The following KCNIP4 variants were observed in gnomAD, a reference collection of about 807,000 sequenced individuals.
KCNIP4 encodes potassium voltage-gated channel interacting protein 4.
A neutral mutation model predicts 34.0 loss-of-function variants in KCNIP4; 12 were observed. The observed-to-expected ratio is 0.35, with a 90% CI of 0.23 to 0.57. The LOEUF (loss-of-function observed/expected upper bound fraction) is 0.57. Among genes scored for constraint, KCNIP4 ranks in the 20% least tolerant of loss-of-function variants. KCNIP4 has a pLI of 0.83. For missense variants in KCNIP4, 238 were observed against 311.7 expected (o/e 0.76, Z 1.78); for synonymous variants, 124 against 102.2 (o/e 1.21, Z -1.29).
At chr4:21,226,101 T>G (rs183204426) in intron 1 of KCNIP4, among the ~76,000 whole-genome samples, 66 of 151,578 alleles carry the variant, frequency 4.4e-4, no homozygotes, top group African/African-American at 1.6e-3. Context: ...ACTGTAGAGA[T>G]GAAGAGACTG....
intron 1 of KCNIP4, among the ~76,000 whole-genome samples, chr4:21,007,219 G>A (rs1371838779): frequency 1.3e-5 from 2 of 152,130 alleles, no homozygotes; most frequent in Non-Finnish European, 2.9e-5. Context: ...GCGTTGAAAG[G>A]CACTATTTCT....
intron 1 of KCNIP4, among the ~76,000 whole-genome samples, chr4:21,181,244 T>G (rs1168492704): frequency 6.6e-6 from 1 of 152,144 alleles, no homozygotes; most frequent in Non-Finnish European, 1.5e-5. Context: ...AAGTTTTTTT[T>G]TCCCACTTAA....
intron 1 of KCNIP4, among the ~76,000 whole-genome samples, chr4:21,274,011 T>A (rs1370951520): frequency 2.0e-5 from 3 of 152,190 alleles, no homozygotes; most frequent in Non-Finnish European, 4.4e-5. Flanking sequence ...AATAAACAGA[T>A]GATGGATAAA....
intron 1 of KCNIP4, among the ~76,000 whole-genome samples, chr4:21,525,583 G>C (rs76222761): frequency 0.17 from 26,569 of 151,960 alleles, 2,748 homozygotes; most frequent in Middle Eastern, 0.26. Flanking sequence ...TCATTTCCCA[G>C]AATCTGTAAT....
At chr4:20,803,068 C>A (rs1486660308) in intron 3 of KCNIP4, among the ~76,000 whole-genome samples, 2 of 98,512 alleles carry the variant, frequency 2.0e-5, no homozygotes, top group African/African-American at 8.5e-5. Context: ...GAGTGAGACT[C>A]TGCCTCAAAA....
At chr4:21,444,922 G>T (rs1378939204) in intron 1 of KCNIP4, among the ~76,000 whole-genome samples, 1 of 152,094 alleles carries the variant, frequency 6.6e-6, no homozygotes, top group Non-Finnish European at 1.5e-5. Flanking sequence ...AGCAACTTCA[G>T]CAGTCTCAGG....
intron 1 of KCNIP4, among the ~76,000 whole-genome samples, chr4:21,230,234 C>T (rs183972269): frequency 6.6e-6 from 1 of 152,212 alleles, no homozygotes; most frequent in Admixed American, 6.5e-5. Flanking sequence ...GCTGAGAATC[C>T]AAGGAAGAAT....
At chr4:20,929,478 AGCACAAATG>A (rs1437738539) in intron 1 of KCNIP4, among the ~76,000 whole-genome samples, 1 of 152,064 alleles carries the variant, frequency 6.6e-6, no homozygotes, top group Non-Finnish European at 1.5e-5. Context: ...TCCAGTGCAA[AGCACAAATG>A]CCCACTTTTG....
chr4:21,441,405 A>C (rs1356491228), intron 1 of KCNIP4, among the ~76,000 whole-genome samples: 1 of 151,872 alleles, frequency 6.6e-6, no homozygotes, highest in Non-Finnish European at 1.5e-5. Flanking sequence ...GGCCTCCCAA[A>C]GTGCTGGGAT....
At chr4:21,436,661 C>T (rs1370394711) in intron 1 of KCNIP4, among the ~76,000 whole-genome samples, 4 of 152,294 alleles carry the variant, frequency 2.6e-5, no homozygotes, top group Non-Finnish European at 4.4e-5. Context: ...GTTATTTAAA[C>T]TCTCTATACC....
chr4:21,422,859 G>A (rs2109633686), intron 1 of KCNIP4, among the ~76,000 whole-genome samples: 1 of 152,222 alleles, frequency 6.6e-6, no homozygotes, highest in Non-Finnish European at 1.5e-5. Context: ...GCAGGTAAGG[G>A]CTCCAGAGTC....
chr4:21,331,822 T>G (rs116314281), intron 1 of KCNIP4, among the ~76,000 whole-genome samples: 11,891 of 152,150 alleles, frequency 0.078, 711 homozygotes, highest in African/African-American at 0.17. Context: ...GTCTTTGCTG[T>G]CATCCTAGAA....
chr4:20,732,615 G>T lies in KCNIP4; in HGVS notation c.642+66C>A, dbSNP rs895548258. 57 of 948,418 alleles carry T rather than the reference G, an allele frequency of 6.0e-5. No homozygotes were observed. In the South Asian group the frequency reaches 6.8e-4, roughly 11 times the overall value. 58.8% of individuals were successfully genotyped at this position (948,418 alleles called of 1,614,324 possible). A position where few individuals can be genotyped will look rare whatever the true frequency, so the allele number is the denominator to read the frequency against. On this transcript the variant is annotated intron_variant, in intron 7 of 8. Coordinates refer to ENST00000382152, the MANE Select transcript of KCNIP4 (RefSeq NM_025221.6). Reference sequence around the variant, plus strand: ...TTGCTCTCTTTTGAATCATCGTGGTGCATGGCAAACATCAGGAAATTTTCT... The same window carrying T: ...TTGCTCTCTTTTGAATCATCGTGGTTCATGGCAAACATCAGGAAATTTTCT...
intron 1 of KCNIP4, among the ~76,000 whole-genome samples, chr4:21,084,689 A>G (rs1046996169): frequency 6.6e-6 from 1 of 150,630 alleles, no homozygotes; most frequent in Non-Finnish European, 1.5e-5. Flanking sequence ...ATATATATGA[A>G]CTTTTTCCAT....
At chr4:21,508,694 G>C (rs1319310927) in intron 1 of KCNIP4, among the ~76,000 whole-genome samples, 2 of 151,460 alleles carry the variant, frequency 1.3e-5, no homozygotes, top group African/African-American at 2.5e-5. Context: ...GATAGGTCTG[G>C]TACCATTCTT....
chr4:21,848,646 A>G (rs769838382), intron 1 of KCNIP4: 1 of 152,128 alleles, frequency 6.6e-6, no homozygotes, highest in Non-Finnish European at 1.5e-5. Context: ...TTGCTCTAAA[A>G]TATCCCTAAG....
intron 1 of KCNIP4, among the ~76,000 whole-genome samples, chr4:21,309,596 G>A (rs188224045): frequency 4.7e-4 from 72 of 152,208 alleles, no homozygotes; most frequent in Admixed American, 1.6e-3. Context: ...ACTAGCACAC[G>A]GAGCACTTTA....
At chr4:21,181,473 T>C (rs750140405) in intron 1 of KCNIP4, among the ~76,000 whole-genome samples, 3 of 152,168 alleles carry the variant, frequency 2.0e-5, no homozygotes, top group African/African-American at 4.8e-5. Flanking sequence ...TGGATTGCAC[T>C]GACTTTCAGG....
At chr4:21,049,837 G>A (rs1226499422) in intron 1 of KCNIP4, among the ~76,000 whole-genome samples, 3 of 152,162 alleles carry the variant, frequency 2.0e-5, no homozygotes, top group African/African-American at 7.2e-5. Flanking sequence ...GTTCTTACAG[G>A]CATGGTTTTT....
Sources: allele counts gnomAD v4.1 joint callset (sites outside exome capture counted in the v4.1 genomes callset), GRCh38; gene constraint gnomAD v4.1.1; transcripts MANE v1.5; gene names NCBI Gene and HGNC (gene_info 2026-07-23, HGNC 2026-07-21).